CEP68: variants seen among roughly 807,000 people sequenced by gnomAD.
CEP68 encodes centrosomal protein of 68 kDa.
Under a neutral mutation model 55.3 loss-of-function variants are expected in CEP68, and 26 were observed. That is an observed-to-expected ratio of 0.47 (90% CI 0.34 to 0.65). CEP68 has a LOEUF of 0.65. Ranked by LOEUF, CEP68 falls within the 30% of genes least tolerant of loss-of-function variation. The pLI, the probability that CEP68 is intolerant of heterozygous loss-of-function variation, is 0.01. For synonymous variants in CEP68, 402 were observed against 383.2 expected (o/e 1.05, Z -0.57); for missense variants, 957 against 946.7 (o/e 1.01, Z -0.14).
rs377085400 is a variant in CEP68 at position 65,072,801 on chromosome 2, G to A, written c.1705G>A (p.Ala569Thr). The A allele has an allele frequency of 8.1e-6, 13 of 1,614,038 alleles. No homozygotes were observed. The highest frequency in any genetic ancestry group is 1.6e-4 in the Middle Eastern group (1 of 6,082). The part of the protein sequence containing the change: ...LRSFVRAHDS[A>T]GEGSLGSSQA... ...CTCCTTCGTCCGTGCCCACGACTCC[G>A]CAGGGGAAGGCAGTCTGGGGAGCAG... Residue 569 changes from alanine to threonine, a missense_variant, in exon 3 of 7, where the codon GCA becomes ACA. Transcript: ENST00000377990.
chr2:65,075,793 A>G (rs1676731173), intron 4 of CEP68, among the ~76,000 whole-genome samples: 1 of 152,166 alleles, frequency 6.6e-6, no homozygotes, highest in Non-Finnish European at 1.5e-5. Context: ...TTCTAAAACA[A>G]TTCTTTGAAT....
At chr2:65,064,011 A>G (rs888028494) in intron 1 of CEP68, among the ~76,000 whole-genome samples, 1 of 152,254 alleles carries the variant, frequency 6.6e-6, no homozygotes, top group Non-Finnish European at 1.5e-5. Flanking sequence ...TGTCAGGCAG[A>G]TTAATAAGAT....
chr2:65,066,249 A>T (rs944544228), intron 1 of CEP68, among the ~76,000 whole-genome samples: 3 of 152,214 alleles, frequency 2.0e-5, no homozygotes, highest in African/African-American at 7.2e-5. Context: ...CACACTCCAT[A>T]CAGACAGTGA....
intron 1 of CEP68, among the ~76,000 whole-genome samples, chr2:65,057,109 G>A (rs1675661062): frequency 6.6e-6 from 1 of 152,248 alleles, no homozygotes; most frequent in African/African-American, 2.4e-5. Flanking sequence ...CACTAGAACA[G>A]TTCTCAGCAG....
rs1224184921 is a variant in CEP68, at chr2:65,086,482, T to G, written c.*2848T>G. On this transcript the variant is annotated 3_prime_UTR_variant, in exon 7 of 7. Transcript: ENST00000377990. ...AATCTTAAGGCATGCTGAAATTTGT[T>G]GTAAATCCCAATCTTTACTGCCATG... is the stretch of plus-strand genomic sequence containing the variant. The G allele has an allele frequency of 6.6e-6, 1 of 152,220 alleles. No individual in the cohort carries two copies. Among genetic ancestry groups the G allele is most frequent in the Non-Finnish European group, 1.5e-5 (1 of 68,030 alleles). 9.4% of individuals were successfully genotyped at this position (152,220 alleles called of 1,614,324 possible). A position where few individuals can be genotyped will look rare whatever the true frequency, so the allele number is the denominator to read the frequency against.
chr2:65,064,499 C>T (rs189346353), intron 1 of CEP68, among the ~76,000 whole-genome samples: 1 of 152,206 alleles, frequency 6.6e-6, no homozygotes, highest in Non-Finnish European at 1.5e-5. Flanking sequence ...CTTTGGGAGG[C>T]CGAGGCAGGC....
At chr2:65,057,702 A>G (rs1675702348) in intron 1 of CEP68, among the ~76,000 whole-genome samples, 1 of 152,222 alleles carries the variant, frequency 6.6e-6, no homozygotes, top group Non-Finnish European at 1.5e-5. Flanking sequence ...TCTAAAGGTG[A>G]CACAACAGAA....
chr2:65,073,100 G>A (rs754947209), intron 3 of CEP68, 120 bp downstream of exon 3: 2 of 1,053,308 alleles, frequency 1.9e-6, no homozygotes, highest in African/African-American at 3.2e-5. Flanking sequence ...GCCAGGCATT[G>A]TGCTGTACCT....
chr2:65,074,351 A>G lies in CEP68; in HGVS notation c.1954A>G (p.Thr652Ala). The change falls in exon 4 of 7, where the codon ACT (threonine) becomes GCT (alanine). Residue 652 changes from threonine to alanine, a missense_variant. Coordinates refer to ENST00000377990, the MANE Select transcript of CEP68 (RefSeq NM_015147.3). ...TGTTGCAGATGTTACTGACCACGGG[A>G]CTGCAGCCAGGTCCAATCTTACAAG... is the stretch of plus-strand genomic sequence containing the variant. ...YNVADVTDHG[T>A]AARSNLTSLK... 6.2e-7 allele frequency: 1 copy of G among 1,614,188 alleles called. No homozygotes were observed. The highest frequency in any genetic ancestry group is 2.2e-5 in the East Asian group (1 of 44,892).
intron 1 of CEP68, among the ~76,000 whole-genome samples, chr2:65,063,429 G>A (rs528868667): frequency 3.9e-5 from 6 of 152,344 alleles, no homozygotes; most frequent in African/African-American, 1.4e-4. Flanking sequence ...CCATCATGGA[G>A]CTGCTAGCCT....
chr2:65,062,946 C>T (rs1675984369), intron 1 of CEP68, among the ~76,000 whole-genome samples: 2 of 152,194 alleles, frequency 1.3e-5, no homozygotes, highest in Non-Finnish European at 2.9e-5. Context: ...AGCAGAGCCT[C>T]ACCCCTCCCA....
rs1676537208 is a variant in CEP68, at chr2:65,072,541, A to T, written c.1445A>T (p.Tyr482Phe). Residue 482 changes from tyrosine to phenylalanine, a missense_variant, in exon 3 of 7, where the codon TAT (tyrosine) becomes TTT (phenylalanine). By Grantham distance (22) the Tyr-to-Phe change is conservative. Transcript: ENST00000377990. ...SEEEVESDDE[Y>F]LALPARLTQV... is the part of the protein sequence containing the mutation. ...GAGGAAGTGGAAAGTGATGACGAGT[A>T]TCTTGCCCTCCCCGCTCGGCTGACA... 6.2e-7 allele frequency: 1 copy of T among 1,614,082 alleles called. No homozygotes were observed.
rs748905591 is a variant in CEP68 at position 65,072,881 on chromosome 2, T to G, written c.1785T>G (p.Ala595=). The G allele has an allele frequency of 6.2e-7, 1 of 1,613,998 alleles. No individual in the cohort carries two copies. Among genetic ancestry groups the G allele is most frequent in the African/African-American group, 1.3e-5 (1 of 74,904 alleles). Residue 595 remains alanine (A), a synonymous_variant, in exon 3 of 7, where the codon GCT becomes GCG. Coordinates refer to ENST00000377990, the MANE Select transcript of CEP68 (RefSeq NM_015147.3). ...GLLKTRPSLP[A]RLDRWPFSDP... is the part of the protein sequence containing the mutation. Reference sequence around the variant, plus strand: ...TGAAAACACGCCCCTCCTTGCCAGCTAGGTTGGACCGGTGGCCATTCTCAG... The same window carrying G: ...TGAAAACACGCCCCTCCTTGCCAGCGAGGTTGGACCGGTGGCCATTCTCAG...
chr2:65,079,484 G>A (rs1676909768), intron 5 of CEP68, among the ~76,000 whole-genome samples: 1 of 152,228 alleles, frequency 6.6e-6, no homozygotes, highest in Admixed American at 6.5e-5. Flanking sequence ...GCAGGTAAGT[G>A]ATTCTCTAGT....
At chr2:65,079,147 C>T (rs563786240) in intron 5 of CEP68, among the ~76,000 whole-genome samples, 8 of 152,266 alleles carry the variant, frequency 5.3e-5, no homozygotes, top group East Asian at 1.9e-4. Flanking sequence ...ATACAACCGC[C>T]GAAGCAAAGC....
In CEP68 at chr2:65,078,033, C is replaced by T. The variant is rs562885451; in HGVS notation, c.2104+69C>T. On this transcript the variant is annotated intron_variant, in intron 5 of 6. Transcript: ENST00000377990. ...GTCAGCAGCAGGCCCAGGGACCGCA[C>T]TATCCCTGGTAAGGAGCTGGTACCA... 5.1e-6 allele frequency: 6 copies of T among 1,186,030 alleles called. No homozygotes were observed. In the Admixed American group the frequency reaches 7.8e-5, roughly 15 times the overall value. 73.5% of individuals were successfully genotyped at this position (1,186,030 alleles called of 1,614,324 possible).
intron 4 of CEP68, among the ~76,000 whole-genome samples, chr2:65,076,980 T>C (rs1558566966): frequency 1.3e-5 from 1 of 75,022 alleles, no homozygotes; most frequent in Non-Finnish European, 2.9e-5. Flanking sequence ...AGGGTGGTCA[T>C]GGATTTGACT....
At chr2:65,064,738 A>C (rs1357992927) in intron 1 of CEP68, among the ~76,000 whole-genome samples, 2 of 151,304 alleles carry the variant, frequency 1.3e-5, no homozygotes, top group African/African-American at 2.4e-5. Flanking sequence ...CGTCTCAAAA[A>C]AAAAAAAAAA....
Position 65,072,631 on chromosome 2 carries a change from A to C in CEP68, c.1535A>C (p.Asp512Ala). 1 of 1,614,030 alleles carries C rather than the reference A, an allele frequency of 6.2e-7. No homozygotes were observed. Among genetic ancestry groups the C allele is most frequent in the South Asian group, 1.1e-5 (1 of 91,068 alleles). The change falls in exon 3 of 7, where the codon GAT becomes GCT. Residue 512 changes from aspartate (D) to alanine (A), a missense_variant. By Grantham distance (126) the Asp-to-Ala change is moderately radical (BLOSUM62 -2). Transcript: ENST00000377990. ...ISTLVTLPTGDIKGQSPLEVS... is the reference protein window; with the variant it reads ...ISTLVTLPTGAIKGQSPLEVS... ...ACCTTGGTTACCCTGCCCACTGGGG[A>C]TATCAAAGGGCAGAGCCCCTTGGAA...
Sources: gnomAD v4.1 joint callset for allele counts (sites outside exome capture counted in the v4.1 genomes callset) on GRCh38, gnomAD v4.1.1 for gene constraint, MANE v1.5 for transcripts, NCBI Gene and HGNC (gene_info 2026-07-23, HGNC 2026-07-21) for gene names.